FHIT: variants seen among roughly 807,000 people sequenced by gnomAD.
The protein encoded by FHIT is fragile histidine triad diadenosine triphosphatase.
Under a neutral mutation model 17.9 loss-of-function variants are expected in FHIT, and 19 were observed. The observed-to-expected ratio is 1.06, with a 90% CI of 0.74 to 1.56. FHIT has a LOEUF of 1.56. Ranked by LOEUF, FHIT falls within the 40% of genes most tolerant of loss-of-function variation. The pLI, the probability that FHIT is intolerant of heterozygous loss-of-function variation, is 0.00. For synonymous variants in FHIT, 81 were observed against 69.7 expected (o/e 1.16, Z -0.81); for missense variants, 248 against 189.2 (o/e 1.31, Z -1.82).
chr3:60,937,804 C>T (rs530461106), intron 3 of FHIT, among the ~76,000 whole-genome samples: 3 of 152,014 alleles, frequency 2.0e-5, no homozygotes, highest in South Asian at 2.1e-4. Flanking sequence ...CCTTGTGATC[C>T]GCCTGCCTTA....
chr3:59,874,978 G>A (rs1217113407), intron 8 of FHIT, among the ~76,000 whole-genome samples: 3 of 152,120 alleles, frequency 2.0e-5, no homozygotes, highest in African/African-American at 4.8e-5. Context: ...CTCCTATTTC[G>A]GCAAGTGCTT....
chr3:60,870,098 G>A (rs964046426), intron 3 of FHIT, among the ~76,000 whole-genome samples: 6 of 151,938 alleles, frequency 3.9e-5, no homozygotes, highest in African/African-American at 1.5e-4. Flanking sequence ...TTTCCTTCTT[G>A]GTCTGACATA....
chr3:60,096,570 C>T (rs1433104137), intron 5 of FHIT, among the ~76,000 whole-genome samples: 1 of 152,166 alleles, frequency 6.6e-6, no homozygotes. Context: ...GGACTCACCT[C>T]TATCTGACTA....
At chr3:60,010,533 A>G (rs1700099890) in intron 7 of FHIT, among the ~76,000 whole-genome samples, 1 of 152,224 alleles carries the variant, frequency 6.6e-6, no homozygotes, top group Non-Finnish European at 1.5e-5. Context: ...ACTCACAGCT[A>G]GTCTTCGAAG....
intron 2 of FHIT, among the ~76,000 whole-genome samples, chr3:61,144,694 T>C (rs1293900199): frequency 6.6e-6 from 1 of 152,208 alleles, no homozygotes; most frequent in African/African-American, 2.4e-5. Flanking sequence ...CTCCTTATCC[T>C]CACCAACGCT....
At chr3:59,827,634 G>C (rs1701022251) in intron 8 of FHIT, among the ~76,000 whole-genome samples, 1 of 152,196 alleles carries the variant, frequency 6.6e-6, no homozygotes, top group Non-Finnish European at 1.5e-5. Flanking sequence ...CTGAAGCACA[G>C]GGCAGTAAAG....
chr3:60,183,169 G>A (rs145771028), intron 5 of FHIT, among the ~76,000 whole-genome samples: 27 of 152,188 alleles, frequency 1.8e-4, no homozygotes, highest in Admixed American at 7.9e-4. Flanking sequence ...AGGCCGAGGC[G>A]TGCACATCAC....
At chr3:61,026,882 T>C (rs2032761305) in intron 3 of FHIT, among the ~76,000 whole-genome samples, 1 of 152,142 alleles carries the variant, frequency 6.6e-6, no homozygotes, top group South Asian at 2.1e-4. Context: ...AACACCACTT[T>C]TGAGTTGGAT....
chr3:60,349,130 G>A (rs1331993018), intron 5 of FHIT, among the ~76,000 whole-genome samples: 7 of 152,140 alleles, frequency 4.6e-5, no homozygotes. Context: ...AAGTAGTACT[G>A]GGTTTTATTA....
rs1332931207 is a variant in FHIT at position 59,773,736 on chromosome 3, C to T, written c.349-21415G>A. ...TGGACTGCAGACCAACATCACCTGG[C>T]GGCTTGTTAGAAAAGCAGAACATAA... On this transcript the variant is annotated intron_variant, in intron 8 of 9. Transcript: ENST00000492590. Among the ~76,000 whole-genome samples the T allele has an allele frequency of 4.6e-5, 7 of 152,208 alleles. No homozygotes were observed. The East Asian group carries it at 5.8e-4, about 13-fold the overall frequency.
chr3:61,211,669 C>A (rs935022620), intron 1 of FHIT, among the ~76,000 whole-genome samples: 3 of 152,262 alleles, frequency 2.0e-5, no homozygotes, highest in African/African-American at 7.2e-5. Flanking sequence ...TCCCAGCACG[C>A]AGCCAGAGAT....
At chr3:60,769,737 G>A (rs1194514128) in intron 4 of FHIT, among the ~76,000 whole-genome samples, 1 of 152,244 alleles carries the variant, frequency 6.6e-6, no homozygotes, top group Non-Finnish European at 1.5e-5. Flanking sequence ...TGTGGTTGAA[G>A]TATGGCCGCT....
intron 5 of FHIT, among the ~76,000 whole-genome samples, chr3:60,464,645 A>G (rs1444749152): frequency 6.6e-6 from 1 of 152,112 alleles, no homozygotes; most frequent in Non-Finnish European, 1.5e-5. Flanking sequence ...ATTTCACTTA[A>G]CACAATGACC....
At chr3:60,885,486 G>A (rs1388070494) in intron 3 of FHIT, among the ~76,000 whole-genome samples, 5 of 152,118 alleles carry the variant, frequency 3.3e-5, no homozygotes, top group African/African-American at 1.2e-4. Context: ...ACAGACTTAT[G>A]AGCAATAATA....
chr3:60,115,517 A>G lies in FHIT; in HGVS notation c.104-101365T>C, dbSNP rs148188965. Among the ~76,000 whole-genome samples the G allele has an allele frequency of 7.0e-3, 1,066 of 152,300 alleles. 8 individuals are homozygous for G. Among genetic ancestry groups the G allele is most frequent in the Middle Eastern group, 0.014 (4 of 294 alleles). Reference sequence around the variant, plus strand: ...TTATATTCAAGTCTTCAGAGGCCACAGGTATATGTCACTATAAGGGAAAAT... The same window carrying G: ...TTATATTCAAGTCTTCAGAGGCCACGGGTATATGTCACTATAAGGGAAAAT... On this transcript the variant is annotated intron_variant, in intron 5 of 9. Coordinates refer to ENST00000492590, the MANE Select transcript of FHIT (RefSeq NM_002012.4).
At chr3:60,894,884 G>A (rs971002390) in intron 3 of FHIT, among the ~76,000 whole-genome samples, 6 of 152,028 alleles carry the variant, frequency 3.9e-5, no homozygotes, top group Non-Finnish European at 8.8e-5. Context: ...AGTGGTTTTT[G>A]CTAAACCATT....
rs200195537 is a variant in FHIT at position 60,860,908 on chromosome 3, GTA to G, written c.-110-38899_-110-38898del. On this transcript the variant is annotated intron_variant, in intron 3 of 9. Transcript: ENST00000492590. ...ATGAACATATATACGTATATATCAT[GTA>G]TATATGATACATATATACGTATATA... Among the ~76,000 whole-genome samples the G allele has an allele frequency of 1.6e-3, 157 of 96,940 alleles. 2 individuals carry two copies. Among genetic ancestry groups the G allele is most frequent in the African/African-American group, 6.5e-3 (152 of 23,416 alleles). The allele number at this position is 96,940 out of a possible 152,430, so 63.6% of individuals were successfully genotyped here. A position where few individuals can be genotyped will look rare whatever the true frequency, so the allele number is the denominator to read the frequency against.
intron 4 of FHIT, among the ~76,000 whole-genome samples, chr3:60,559,228 A>G (rs1051244411): frequency 9.9e-5 from 15 of 152,228 alleles, no homozygotes; most frequent in Non-Finnish European, 4.4e-5. Context: ...GGGAATTAAT[A>G]TAAGACAAAA....
intron 7 of FHIT, among the ~76,000 whole-genome samples, chr3:59,942,644 C>T (rs183469555): frequency 1.3e-5 from 2 of 151,862 alleles, no homozygotes; most frequent in African/African-American, 4.8e-5. Context: ...GATTACAGCC[C>T]TTAGTTCTTT....
Sources: gnomAD v4.1 joint callset for allele counts (sites outside exome capture counted in the v4.1 genomes callset) on GRCh38, gnomAD v4.1.1 for gene constraint, MANE v1.5 for transcripts, NCBI Gene and HGNC (gene_info 2026-07-23, HGNC 2026-07-21) for gene names.